The following NCKAP5 variants were observed in gnomAD, a reference collection of about 807,000 sequenced individuals.
NCKAP5 encodes the protein NCK associated protein 5.
A neutral mutation model predicts 167.0 loss-of-function variants in NCKAP5; 92 were observed. The observed-to-expected ratio is 0.55, with a 90% CI of 0.47 to 0.66. The LOEUF is 0.66. NCKAP5 is among the 30% of genes least tolerant of loss of function. NCKAP5 has a pLI of 0.00. For missense variants in NCKAP5, 2,378 were observed against 2,315.0 expected (o/e 1.03, Z -0.56); for synonymous variants, 891 against 877.4 (o/e 1.02, Z -0.27).
the NCKAP5 span, among the ~76,000 whole-genome samples, chr2:133,657,996 G>A: frequency 6.6e-6 from 1 of 152,182 alleles, no homozygotes; most frequent in African/African-American, 2.4e-5. Flanking sequence ...GAGCTGAAGA[G>A]TTCAAGATAA....
intron 16 of NCKAP5, among the ~76,000 whole-genome samples, chr2:132,740,351 T>C (rs1389754762): frequency 6.6e-6 from 1 of 152,158 alleles, no homozygotes; most frequent in African/African-American, 2.4e-5. Flanking sequence ...TAAACATCTT[T>C]AAGCTACATG....
At chr2:133,427,278 T>C (rs1689873782) in intron 3 of NCKAP5, among the ~76,000 whole-genome samples, 2 of 152,188 alleles carry the variant, frequency 1.3e-5, no homozygotes, top group Non-Finnish European at 2.9e-5. Context: ...TAAGACTATG[T>C]GAGTGACACT....
chr2:133,484,631 G>C (rs977989016), intron 3 of NCKAP5, among the ~76,000 whole-genome samples: 2 of 152,112 alleles, frequency 1.3e-5, no homozygotes, highest in African/African-American at 4.8e-5. Context: ...TTCCACACCT[G>C]ACACCTTTGC....
chr2:132,942,108 C>T (rs1008754697), intron 8 of NCKAP5, among the ~76,000 whole-genome samples: 9 of 152,108 alleles, frequency 5.9e-5, no homozygotes, highest in East Asian at 1.9e-4. Context: ...ATGTATGATG[C>T]TTAAAAATAA....
chr2:133,655,669 T>C, the NCKAP5 span, among the ~76,000 whole-genome samples: 1 of 152,264 alleles, frequency 6.6e-6, no homozygotes, highest in African/African-American at 2.4e-5. Context: ...TTAAGTGTCT[T>C]ATTTTAGATA....
chr2:132,971,504 G>C (rs2076832429), intron 7 of NCKAP5, among the ~76,000 whole-genome samples: 1 of 152,180 alleles, frequency 6.6e-6, no homozygotes, highest in South Asian at 2.1e-4. Context: ...AGCAGTGAGG[G>C]TAACACAGTC....
intron 16 of NCKAP5, among the ~76,000 whole-genome samples, chr2:132,747,215 C>T (rs1231659155): frequency 6.7e-6 from 1 of 149,732 alleles, no homozygotes; most frequent in Admixed American, 6.6e-5. Flanking sequence ...TGAAATCAAA[C>T]AGTGAACTCT....
intron 16 of NCKAP5, among the ~76,000 whole-genome samples, chr2:132,767,324 G>C (rs1380027483): frequency 6.6e-6 from 1 of 151,808 alleles, no homozygotes; most frequent in Non-Finnish European, 1.5e-5. Context: ...TCGGCTCACC[G>C]CAACCTCCGC....
intron 4 of NCKAP5, among the ~76,000 whole-genome samples, chr2:133,219,172 A>G (rs1574415883): frequency 6.6e-6 from 1 of 152,220 alleles, no homozygotes; most frequent in African/African-American, 2.4e-5. Context: ...TCAAACAGCC[A>G]CGTGGAAACA....
chr2:133,215,131 A>T (rs1211368328), intron 4 of NCKAP5, among the ~76,000 whole-genome samples: 2 of 152,158 alleles, frequency 1.3e-5, no homozygotes, highest in Non-Finnish European at 2.9e-5. Context: ...CACTTCTAAG[A>T]AGGGGCAACA....
At chr2:133,092,236 C>A (rs1419480426) in intron 6 of NCKAP5, among the ~76,000 whole-genome samples, 1 of 152,066 alleles carries the variant, frequency 6.6e-6, no homozygotes, top group Non-Finnish European at 1.5e-5. Flanking sequence ...GCCTGAAATC[C>A]AATTGGGCCT....
At chr2:133,656,867 TATC>T in the NCKAP5 span, among the ~76,000 whole-genome samples, 2 of 151,924 alleles carry the variant, frequency 1.3e-5, no homozygotes, top group African/African-American at 4.8e-5. Flanking sequence ...TTGGGGCACA[TATC>T]ACCCAAGCAG....
chr2:132,879,854 T>G (rs2148817016), intron 8 of NCKAP5, among the ~76,000 whole-genome samples: 1 of 152,366 alleles, frequency 6.6e-6, no homozygotes, highest in South Asian at 2.1e-4. Context: ...ACATTTTAAC[T>G]TCATAGTTTT....
intron 18 of NCKAP5, among the ~76,000 whole-genome samples, chr2:132,728,141 G>A (rs560457396): frequency 1.3e-5 from 2 of 152,258 alleles, no homozygotes; most frequent in Non-Finnish European, 2.9e-5. Flanking sequence ...ACCCCAGGAC[G>A]AGTGGTGAAA....
intron 9 of NCKAP5, among the ~76,000 whole-genome samples, chr2:132,870,631 A>T (rs932262339): frequency 6.6e-6 from 1 of 151,790 alleles, no homozygotes; most frequent in Non-Finnish European, 1.5e-5. Context: ...CTTACAGTCA[A>T]CGGGAGACTG....
At chr2:133,039,460 AG>A (rs1464195570) in intron 6 of NCKAP5, among the ~76,000 whole-genome samples, 1 of 152,192 alleles carries the variant, frequency 6.6e-6, no homozygotes, top group Non-Finnish European at 1.5e-5. Context: ...ATTTCCTTTT[AG>A]GATCAGAGTC....
intron 6 of NCKAP5, among the ~76,000 whole-genome samples, chr2:133,000,548 C>T (rs999780835): frequency 6.6e-6 from 1 of 152,162 alleles, no homozygotes; most frequent in Non-Finnish European, 1.5e-5. Context: ...TAAATATCAA[C>T]ACATACTTCA....
chr2:133,160,630 T>G (rs1049031524), intron 5 of NCKAP5, among the ~76,000 whole-genome samples: 1 of 151,988 alleles, frequency 6.6e-6, no homozygotes, highest in Admixed American at 6.6e-5. Context: ...ATATATAAAA[T>G]AGCAACTCTG....
intron 7 of NCKAP5, among the ~76,000 whole-genome samples, chr2:132,969,421 A>G (rs368948170): frequency 6.6e-6 from 1 of 151,884 alleles, no homozygotes; most frequent in South Asian, 2.1e-4. Context: ...TTAGAGAACA[A>G]GGAATTGAGT....
Sources: allele counts gnomAD v4.1 joint callset (sites outside exome capture counted in the v4.1 genomes callset), GRCh38; gene constraint gnomAD v4.1.1; transcripts MANE v1.5; gene names NCBI Gene and HGNC (gene_info 2026-07-23, HGNC 2026-07-21).